Variants in PTGER3 observed in about 807,000 individuals in gnomAD.
The protein encoded by PTGER3 is prostaglandin E2 receptor EP3 subtype.
A neutral mutation model predicts 34.7 loss-of-function variants in PTGER3; 22 were observed. The observed-to-expected ratio is 0.63, with a 90% CI of 0.45 to 0.91. The LOEUF (loss-of-function observed/expected upper bound fraction) is 0.91. Ranked by LOEUF, PTGER3 falls within the 40% of genes least tolerant of loss-of-function variation. The pLI is 0.00. For synonymous variants in PTGER3, 241 were observed against 230.1 expected, an observed-to-expected ratio of 1.05 and a Z score of -0.43; for missense variants, 468 against 519.4, an observed-to-expected ratio of 0.90 and a Z score of 0.96.
At chr1:70,869,148 A>C in intron 4 of PTGER3, 1 of 372,620 alleles carries the variant, frequency 2.7e-6, no homozygotes, top group Non-Finnish European at 5.3e-6. Flanking sequence ...AAGGCACTTC[A>C]TATGGCAAAA....
Position 70,945,543 on chromosome 1 carries a change from G to A in PTGER3, c.*23+8220C>T, listed in dbSNP as rs79290889. Among the ~76,000 whole-genome samples the A allele has an allele frequency of 3.8e-4, 58 of 152,004 alleles. 1 individual carries two copies. In the East Asian group the frequency reaches 0.011, roughly 28 times the overall value. Reference sequence around the variant, plus strand: ...CCTAATAGGACTTGATTTGGCACAGGTAAAGTTTTTTTTATGAAAATTTAC... The same window carrying A: ...CCTAATAGGACTTGATTTGGCACAGATAAAGTTTTTTTTATGAAAATTTAC... On this transcript the variant is annotated intron_variant, in intron 4 of 4. Transcript: ENST00000370931.
intron 2 of PTGER3, among the ~76,000 whole-genome samples, chr1:70,981,888 G>T (rs1654409971): frequency 6.6e-6 from 1 of 152,004 alleles, no homozygotes; most frequent in East Asian, 1.9e-4. Context: ...TTGACTCATG[G>T]CCCTCCAGTG....
intron 4 of PTGER3, among the ~76,000 whole-genome samples, chr1:70,916,403 T>C (rs571686412): frequency 5.6e-4 from 85 of 152,160 alleles, no homozygotes; most frequent in Non-Finnish European, 1.1e-3. Context: ...GGAAAATAAA[T>C]CATTCTACCA....
intron 1 of PTGER3, among the ~76,000 whole-genome samples, chr1:71,039,650 A>C (rs1660125245): frequency 1.2e-5 from 1 of 82,538 alleles, no homozygotes; most frequent in Middle Eastern, 6.4e-3. Context: ...ACTCTGTCTC[A>C]AAAAAAAAAA....
chr1:70,937,279 T>C (rs906997752), intron 4 of PTGER3, among the ~76,000 whole-genome samples: 8 of 152,230 alleles, frequency 5.3e-5, no homozygotes, highest in African/African-American at 1.9e-4. Context: ...TTATTTTGTG[T>C]TGCCAAACAT....
intron 1 of PTGER3, among the ~76,000 whole-genome samples, chr1:71,014,517 A>G (rs953645179): frequency 2.6e-5 from 4 of 152,058 alleles, no homozygotes; most frequent in African/African-American, 9.7e-5. Flanking sequence ...CCTTTATGTG[A>G]TGGTATTAGG....
intron 2 of PTGER3, among the ~76,000 whole-genome samples, chr1:70,963,333 C>A (rs1005251090): frequency 6.6e-6 from 1 of 152,170 alleles, no homozygotes; most frequent in Non-Finnish European, 1.5e-5. Flanking sequence ...CCTCTGATGG[C>A]TCTACTAGGC....
intron 4 of PTGER3, among the ~76,000 whole-genome samples, chr1:70,890,977 A>C (rs1646604442): frequency 6.6e-6 from 1 of 152,180 alleles, no homozygotes; most frequent in Non-Finnish European, 1.5e-5. Flanking sequence ...ACCTATTGAC[A>C]TGCTGTCCTC....
At chr1:70,959,354 T>A (rs1009377187) in intron 2 of PTGER3, among the ~76,000 whole-genome samples, 1 of 8,142 alleles carries the variant, frequency 1.2e-4, no homozygotes, top group Non-Finnish European at 2.1e-4. Flanking sequence ...CCTCTTCAAT[T>A]TTTTTTTTTT....
At chr1:70,977,714 A>G (rs1022401716) in intron 2 of PTGER3, among the ~76,000 whole-genome samples, 1 of 151,928 alleles carries the variant, frequency 6.6e-6, no homozygotes, top group Non-Finnish European at 1.5e-5. Context: ...CTTCCTGACC[A>G]CCGGCTCCTT....
chr1:70,949,987 T>C (rs1650593262), downstream of PTGER3, among the ~76,000 whole-genome samples: 1 of 90,378 alleles, frequency 1.1e-5, no homozygotes, highest in Non-Finnish European at 2.6e-5. Context: ...ACATAACAAA[T>C]CTAAAAGAGT....
chr1:70,956,943 C>T (rs983906385), intron 2 of PTGER3, among the ~76,000 whole-genome samples: 2 of 151,986 alleles, frequency 1.3e-5, no homozygotes, highest in South Asian at 2.1e-4. Flanking sequence ...TCCTGTGAGG[C>T]GAGATTTTGT....
At chr1:70,981,381 TTC>T (rs1654326083) in intron 2 of PTGER3, among the ~76,000 whole-genome samples, 2 of 80,240 alleles carry the variant, frequency 2.5e-5, no homozygotes, top group Admixed American at 1.5e-4. Context: ...CTTTCTTTCT[TTC>T]TTTCTTTCTT....
chr1:70,863,008 C>G (rs1645960337), intron 4 of PTGER3, among the ~76,000 whole-genome samples: 1 of 151,910 alleles, frequency 6.6e-6, no homozygotes, highest in African/African-American at 2.4e-5. Flanking sequence ...ATCGGAGACA[C>G]TTGTAGGATG....
At chr1:70,861,367 C>T (rs1645923126) in intron 4 of PTGER3, among the ~76,000 whole-genome samples, 1 of 152,210 alleles carries the variant, frequency 6.6e-6, no homozygotes, top group African/African-American at 2.4e-5. Flanking sequence ...TTAGCAGCCT[C>T]CACATTAACA....
intron 2 of PTGER3, chr1:71,010,815 C>G (rs986487573): frequency 1.0e-6 from 1 of 984,816 alleles, no homozygotes; most frequent in Non-Finnish European, 1.2e-6. Flanking sequence ...TAATTAGCCC[C>G]AATTGACATA....
intron 4 of PTGER3, among the ~76,000 whole-genome samples, chr1:70,873,591 G>T (rs1342461793): frequency 6.7e-6 from 1 of 149,266 alleles, no homozygotes; most frequent in African/African-American, 2.5e-5. Context: ...TAGGTTTTTT[G>T]GGGGAACAGG....
At chr1:70,873,853 T>C (rs946158388) in intron 4 of PTGER3, among the ~76,000 whole-genome samples, 2 of 152,104 alleles carry the variant, frequency 1.3e-5, no homozygotes, top group African/African-American at 4.8e-5. Context: ...TTCACCATGT[T>C]GGCCAGGAGG....
chr1:71,005,058 T>C (rs1352202329), intron 2 of PTGER3, among the ~76,000 whole-genome samples: 1 of 152,212 alleles, frequency 6.6e-6, no homozygotes, highest in African/African-American at 2.4e-5. Context: ...CATTTGGCAA[T>C]GTCTGTGAAT....
Sources: gnomAD v4.1 joint callset for allele counts (sites outside exome capture counted in the v4.1 genomes callset) on GRCh38, gnomAD v4.1.1 for gene constraint, MANE v1.5 for transcripts, NCBI Gene and HGNC (gene_info 2026-07-23, HGNC 2026-07-21) for gene names.